CACNA1D: variants seen among roughly 807,000 people sequenced by gnomAD.
CACNA1D encodes the protein voltage-dependent L-type calcium channel subunit alpha-1D.
In CACNA1D, 55 loss-of-function variants were observed where a neutral mutation model predicts 257.1. The observed-to-expected ratio is 0.21, with a 90% CI of 0.17 to 0.27. CACNA1D has a LOEUF of 0.27. CACNA1D is among the 10% of genes least tolerant of loss of function. The pLI is 1.00. For missense variants in CACNA1D, 1,876 were observed against 2,784.0 expected, an observed-to-expected ratio of 0.67 and a Z score of 7.34; for synonymous variants, 980 against 1,014.9, an observed-to-expected ratio of 0.97 and a Z score of 0.65.
intron 3 of CACNA1D, among the ~76,000 whole-genome samples, chr3:53,620,993 C>T (rs2093690831): frequency 6.6e-6 from 1 of 152,188 alleles, no homozygotes; most frequent in South Asian, 2.1e-4. Flanking sequence ...AAGAGCACTT[C>T]CTAAGTGGCG....
chr3:53,525,062 G>A (rs563780818), intron 3 of CACNA1D, among the ~76,000 whole-genome samples: 6 of 152,064 alleles, frequency 3.9e-5, no homozygotes, highest in Non-Finnish European at 8.8e-5. Context: ...TGTGTTTGAG[G>A]TTCTGCTTAG....
intron 11 of CACNA1D, 30 bp downstream of exon 11, chr3:53,719,811 G>T (rs1219249589): frequency 1.3e-5 from 21 of 1,605,304 alleles, no homozygotes; most frequent in Non-Finnish European, 1.8e-5. Flanking sequence ...TTCTTCGTCA[G>T]CCTGTGTGTT....
intron 3 of CACNA1D, among the ~76,000 whole-genome samples, chr3:53,637,704 C>T (rs760848231): frequency 1.1e-4 from 17 of 152,146 alleles, no homozygotes; most frequent in Non-Finnish European, 2.4e-4. Context: ...CTGGCAAGAG[C>T]AGGTCAGTGC....
chr3:53,688,089 A>T (rs74719987), intron 8 of CACNA1D, among the ~76,000 whole-genome samples: 8,549 of 152,312 alleles, frequency 0.056, 789 homozygotes, highest in African/African-American at 0.19. Context: ...GTATTTGCCC[A>T]AGAGAAATGA....
rs567741468 is a variant in CACNA1D at position 53,660,262 on chromosome 3, G to A, written c.753G>A (p.Val251=). The A allele has an allele frequency of 6.2e-7, 1 of 1,614,098 alleles. No homozygotes were observed. Among genetic ancestry groups the A allele is most frequent in the Admixed American group, 1.7e-5 (1 of 60,018 alleles). ...GAGTGTTGCGACCACTTCGACTAGT[G>A]TCAGGAGTGCCCAGTAAGCACTTAT... ...AFRVLRPLRL[V]SGVPSLQVVL... Residue 251 remains valine, a synonymous_variant, in exon 5 of 48, where the codon GTG becomes GTA. Transcript: ENST00000350061.
At chr3:53,521,399 G>A (rs941850503) in intron 3 of CACNA1D, among the ~76,000 whole-genome samples, 3 of 152,108 alleles carry the variant, frequency 2.0e-5, no homozygotes, top group Non-Finnish European at 2.9e-5. Context: ...TTGATGACGC[G>A]TAATATACAT....
intron 3 of CACNA1D, among the ~76,000 whole-genome samples, chr3:53,528,988 T>C (rs1217508546): frequency 1.3e-5 from 2 of 152,240 alleles, no homozygotes; most frequent in African/African-American, 4.8e-5. Flanking sequence ...CTTATTTATG[T>C]ATATATGTAT....
At chr3:53,737,770 C>G (rs1402524435) in intron 20 of CACNA1D, among the ~76,000 whole-genome samples, 1 of 152,258 alleles carries the variant, frequency 6.6e-6, no homozygotes, top group Non-Finnish European at 1.5e-5. Flanking sequence ...TTGCAGTGAA[C>G]TGAGATCATG....
chr3:53,801,391 G>A lies in CACNA1D; in HGVS notation c.5374G>A (p.Asp1792Asn). The A allele has an allele frequency of 6.2e-7, 1 of 1,614,132 alleles. No homozygotes were observed. The highest frequency in any genetic ancestry group is 8.5e-7 in the Non-Finnish European group (1 of 1,180,038). Residue 1792 changes from aspartate (D) to asparagine (N), a missense_variant, in exon 42 of 48, where the codon GAC (aspartate) becomes AAC (asparagine). By Grantham distance (23) the Asp-to-Asn change is conservative (BLOSUM62 1). Around this residue, in one of 10 missense-constraint regions of CACNA1D, gnomAD observed 491 missense variants for 554.3 expected, o/e 0.89. Transcript: ENST00000350061. ...TGGGCATCATTCTTCCCACAAGCAT[G>A]ACCGGGAGCCTCAGAGAAGGTCCAG... ...ENGHHSSHKH[D>N]REPQRRSSVK...
intron 44 of CACNA1D, among the ~76,000 whole-genome samples, chr3:53,804,259 T>C (rs1280734722): frequency 1.3e-5 from 2 of 152,188 alleles, no homozygotes; most frequent in African/African-American, 4.8e-5. Flanking sequence ...AGCCACAGCC[T>C]GACCCTCACC....
intron 27 of CACNA1D, among the ~76,000 whole-genome samples, chr3:53,750,420 C>T (rs568899324): frequency 3.1e-4 from 47 of 152,256 alleles, no homozygotes; most frequent in South Asian, 1.2e-3. Flanking sequence ...GTTTTGATGA[C>T]GACGTCGCAA....
chr3:53,802,343 C>A (rs2095540467), intron 43 of CACNA1D, among the ~76,000 whole-genome samples, 170 bp downstream of exon 43: 1 of 152,242 alleles, frequency 6.6e-6, no homozygotes, highest in Non-Finnish European at 1.5e-5. Context: ...TAAGCAAAGG[C>A]ACCTTCAGAT....
rs1160448274 is a variant in CACNA1D, at chr3:53,812,938, C to T, written c.*1532C>T. 1.3e-5 allele frequency: 2 copies of T among 152,120 alleles called. No individual in the cohort carries two copies. Among genetic ancestry groups the T allele is most frequent in the African/African-American group, 4.8e-5 (2 of 41,416 alleles). The allele number at this position is 152,120 out of a possible 1,614,324, so 9.4% of individuals were successfully genotyped here. A position where few individuals can be genotyped will look rare whatever the true frequency, so the allele number is the denominator to read the frequency against. ...GGGCTGAAGTTTTCATTAGAATGCA[C>T]TCACACTCTGACTGTACGTCCTGAT... On this transcript the variant is annotated 3_prime_UTR_variant, in exon 48 of 48. Transcript: ENST00000350061.
chr3:53,640,335 A>G (rs1219931067), intron 3 of CACNA1D, among the ~76,000 whole-genome samples: 1 of 152,242 alleles, frequency 6.6e-6, no homozygotes, highest in Non-Finnish European at 1.5e-5. Context: ...GACATGGTTT[A>G]GAAATAAAGC....
chr3:53,742,927 C>G (rs1334756961), intron 21 of CACNA1D, 84 bp from the exon 22 acceptor site: 6 of 859,722 alleles, frequency 7.0e-6, no homozygotes, highest in Non-Finnish European at 1.2e-5. Flanking sequence ...TGAAGTTATA[C>G]TTTCCTCAAG....
intron 3 of CACNA1D, among the ~76,000 whole-genome samples, chr3:53,565,978 C>T (rs1051719311): frequency 1.3e-5 from 2 of 152,202 alleles, no homozygotes; most frequent in Non-Finnish European, 2.9e-5. Context: ...ATGACCCTTT[C>T]TCTGTAGAAA....
chr3:53,810,192 C>T lies in CACNA1D; in HGVS notation c.6086C>T (p.Pro2029Leu). ...LHRSSWYTDEPDISYRTFTPA... is the reference protein window; with the variant it reads ...LHRSSWYTDELDISYRTFTPA... ...CGCAGCTCCTGGTACACAGACGAGC[C>T]CGACATCTCCTACCGGACTTTCACA... The change falls in exon 47 of 48, where the codon CCC becomes CTC. Residue 2029 changes from proline to leucine, a missense_variant. Physicochemically the swap from Pro to Leu is moderately conservative, Grantham distance 98. Around this residue, in one of 10 missense-constraint regions of CACNA1D, gnomAD observed 491 missense variants for 554.3 expected, o/e 0.89. Transcript: ENST00000350061. 1 of 1,613,978 alleles carries T rather than the reference C, an allele frequency of 6.2e-7. No homozygotes were observed. Among genetic ancestry groups the T allele is most frequent in the Non-Finnish European group, 8.5e-7 (1 of 1,180,032 alleles).
In CACNA1D at chr3:53,673,921, T is replaced by G; in HGVS notation, c.1220+795T>G. On this transcript the variant is annotated intron_variant, in intron 8 of 47. Coordinates refer to ENST00000350061, the MANE Select transcript of CACNA1D (RefSeq NM_001128840.3). The surrounding 1 kb of genome is among the most constrained non-coding windows in gnomAD (Gnocchi z 4.1). ...ACAGCTTCTCTGCATGTGTTTGGACTCTGATGTCCTCTCAGTGTGTTGCTT... is the reference window on the plus strand; with the variant it reads ...ACAGCTTCTCTGCATGTGTTTGGACGCTGATGTCCTCTCAGTGTGTTGCTT... 5.2e-6 allele frequency: 4 copies of G among 769,848 alleles called. No individual in the cohort carries two copies. Among genetic ancestry groups the G allele is most frequent in the Non-Finnish European group, 9.6e-6 (4 of 416,984 alleles). 47.7% of individuals were successfully genotyped at this position (769,848 alleles called of 1,614,324 possible). A position where few individuals can be genotyped will look rare whatever the true frequency, so the allele number is the denominator to read the frequency against.
At chr3:53,688,547 G>A (rs534108637) in intron 8 of CACNA1D, among the ~76,000 whole-genome samples, 3 of 152,334 alleles carry the variant, frequency 2.0e-5, no homozygotes, top group East Asian at 1.9e-4. Flanking sequence ...GTATGTGGGA[G>A]CTCCACACTG....
Sources: gnomAD v4.1 joint callset for allele counts (sites outside exome capture counted in the v4.1 genomes callset) on GRCh38, gnomAD v4.1.1 for gene constraint, gnomAD v4.1.1 regional missense constraint, Gnocchi (gnomAD v3.1) non-coding constraint, MANE v1.5 for transcripts, NCBI Gene and HGNC (gene_info 2026-07-23, HGNC 2026-07-21) for gene names.